The following ORC5 variants were observed in gnomAD, a reference collection of about 807,000 sequenced individuals.
The protein encoded by ORC5 is protein phosphatase 1, regulatory subunit 117.
In ORC5, 39 loss-of-function variants were observed where a neutral mutation model predicts 58.8. The observed-to-expected ratio is 0.66, with a 90% CI of 0.51 to 0.87. The LOEUF (loss-of-function observed/expected upper bound fraction) is 0.87, where lower values mean the gene tolerates loss of function less well. ORC5 is among the 40% of genes least tolerant of loss of function. The pLI is 0.00. For synonymous variants in ORC5, 218 were observed against 177.6 expected (o/e 1.23, Z -1.81); for missense variants, 493 against 506.3 (o/e 0.97, Z 0.25).
Position 104,168,464 on chromosome 7 carries a change from C to T in ORC5, c.877+9G>A. 6.2e-7 allele frequency: 1 copy of T among 1,607,754 alleles called. No individual in the cohort carries two copies. Among genetic ancestry groups the T allele is most frequent in the Non-Finnish European group, 8.5e-7 (1 of 1,177,636 alleles). ...TCTCCGGTAACTGTCTCAATACTTC[C>T]TCTGATACCTTTCAGTTGCCCCGGA... On this transcript the variant is annotated intron_variant, in intron 9 of 13. Coordinates refer to ENST00000297431, the MANE Select transcript of ORC5 (RefSeq NM_002553.4).
chr7:104,196,033 A>T (rs866754908), intron 4 of ORC5, among the ~76,000 whole-genome samples: 18 of 152,350 alleles, frequency 1.2e-4, no homozygotes, highest in African/African-American at 3.6e-4. Context: ...ATACATTTTT[A>T]AAAATCAAGC....
chr7:104,169,284 C>G (rs910829503), intron 8 of ORC5, among the ~76,000 whole-genome samples: 1 of 146,730 alleles, frequency 6.8e-6, no homozygotes, highest in Admixed American at 6.9e-5. Context: ...AATACTAGAG[C>G]TACGAGTCGA....
chr7:104,204,380 TTTGAA>T, intron 1 of ORC5, 146 bp from the exon 2 acceptor site: 1 of 589,976 alleles, frequency 1.7e-6, no homozygotes, highest in Non-Finnish European at 3.1e-6. Flanking sequence ...ATCAACACAC[TTTGAA>T]CCTACTTGAA....
intron 12 of ORC5, among the ~76,000 whole-genome samples, chr7:104,158,547 A>G (rs1164299427): frequency 3.3e-5 from 5 of 151,826 alleles, no homozygotes; most frequent in South Asian, 2.1e-4. Context: ...GCAACCTACA[A>G]AATGGGAGAA....
chr7:104,175,769 C>CA (rs1237495785), intron 8 of ORC5, among the ~76,000 whole-genome samples: 1 of 152,156 alleles, frequency 6.6e-6, no homozygotes, highest in Non-Finnish European at 1.5e-5. Flanking sequence ...AAAACGCTTC[C>CA]AAAACCACCC....
rs1333887668 is a variant in ORC5, at chr7:104,197,803, TA to T, written c.367-5del. 6 of 1,538,736 alleles carry T rather than the reference TA, an allele frequency of 3.9e-6. No homozygotes were observed. The highest frequency in any genetic ancestry group is 5.3e-6 in the Non-Finnish European group (6 of 1,140,822). Reference sequence around the variant, plus strand: ...GATACTCTGCTTTATCTAGAACCTTTAAAAAACAAAAAAACAAAACAAAAAG... The same window carrying T: ...GATACTCTGCTTTATCTAGAACCTTTAAAAACAAAAAAACAAAACAAAAAG... On this transcript the variant is annotated splice_polypyrimidine_tract_variant and splice_region_variant and intron_variant, in intron 3 of 13. Transcript: ENST00000297431.
intron 2 of ORC5, chr7:104,202,447 A>T (rs766016706): frequency 4.6e-6 from 2 of 434,764 alleles, no homozygotes; most frequent in Non-Finnish European, 9.2e-6. Context: ...TAAGAACAAA[A>T]GTCCACAACA....
chr7:104,141,033 A>C (rs194856), intron 12 of ORC5, among the ~76,000 whole-genome samples: 55,069 of 151,934 alleles, frequency 0.36, 11,158 homozygotes, highest in East Asian at 0.56. Context: ...CTGACTAGGA[A>C]TTAAATCTCC....
chr7:104,185,123 A>C (rs904765691), intron 6 of ORC5, among the ~76,000 whole-genome samples: 3 of 150,962 alleles, frequency 2.0e-5, no homozygotes, highest in Non-Finnish European at 2.9e-5. Context: ...TAGCTAATGC[A>C]TGCAGGGCTT....
rs561172530 is a variant in ORC5, at chr7:104,166,978, T to G, written c.878-94A>C. The G allele has an allele frequency of 6.4e-5, 44 of 690,750 alleles. No individual in the cohort carries two copies. In the African/African-American group the frequency reaches 6.6e-4, roughly 10 times the overall value. 42.8% of individuals were successfully genotyped at this position (690,750 alleles called of 1,614,324 possible). On this transcript the variant is annotated intron_variant, in intron 9 of 13. Transcript: ENST00000297431. ...TTGACTTTTCATTTCCATATGGTAT[T>G]CTCTAGTCAAAATGACCTATTTCCT... is the stretch of plus-strand genomic sequence containing the variant.
chr7:104,175,742 A>ACCAAAACCACCCTGCTAAAACGCTT (rs1012635262), intron 8 of ORC5, among the ~76,000 whole-genome samples: 3 of 152,058 alleles, frequency 2.0e-5, no homozygotes, highest in Admixed American at 1.3e-4. Context: ...GCTGAAACAA[A>ACCAAAACCACCCTGCTAAAACGCTT]CCAAAACCAC....
At chr7:104,141,673 A>G (rs537414443) in intron 12 of ORC5, among the ~76,000 whole-genome samples, 2 of 152,332 alleles carry the variant, frequency 1.3e-5, no homozygotes, top group South Asian at 4.1e-4. Context: ...ATGTCTATAC[A>G]CTTACAATGA....
intron 13 of ORC5, among the ~76,000 whole-genome samples, chr7:104,131,889 A>G (rs1362845907): frequency 2.0e-5 from 3 of 151,488 alleles, no homozygotes; most frequent in Non-Finnish European, 4.4e-5. Context: ...AAAAAAAAAT[A>G]CTCTCTCTCC....
At position 104,136,793 on chromosome 7, in the gene ORC5, C is replaced by G. The variant is rs780607532; in HGVS notation, c.1250G>C (p.Arg417Thr). 15 of 1,609,048 alleles carry G rather than the reference C, an allele frequency of 9.3e-6. No individual in the cohort carries two copies. Among genetic ancestry groups the G allele is most frequent in the African/African-American group, 1.3e-5 (1 of 74,810 alleles). Residue 417 changes from arginine (R) to threonine (T), a missense_variant, in exon 13 of 14, where the codon AGA (arginine) becomes ACA (threonine). Arg to Thr is a moderately conservative substitution (Grantham distance 71, BLOSUM62 -1). This residue lies in a region of ORC5 where 77 missense variants were observed against 86.1 expected (regional missense o/e 0.89). Coordinates refer to ENST00000297431, the MANE Select transcript of ORC5 (RefSeq NM_002553.4). This position sits in a 1 kb window ranked among gnomAD's most constrained non-coding sequence, Gnocchi z 4.2. ...CAAGACATTTTACCTTGCAATAGCT[C>G]TGATGAAGTCTAGAGACACTGTGCA... The part of the protein sequence containing the change: ...YKCTVSLDFI[R>T]AIARTVNFDI...
Position 104,184,175 on chromosome 7 carries a change from T to C in ORC5, c.685-4A>G. ...ATTTAGGAAAATTAAGTACTGCCTGTAAGTAAAGAAAAAAAAAGAGAAGAA... is the reference window on the plus strand; with the variant it reads ...ATTTAGGAAAATTAAGTACTGCCTGCAAGTAAAGAAAAAAAAAGAGAAGAA... On this transcript the variant is annotated splice_polypyrimidine_tract_variant and splice_region_variant and intron_variant, in intron 6 of 13. Transcript: ENST00000297431. 1 of 1,519,838 alleles carries C rather than the reference T, an allele frequency of 6.6e-7. No homozygotes were observed. Among genetic ancestry groups the C allele is most frequent in the South Asian group, 1.2e-5 (1 of 82,562 alleles). The allele number at this position is 1,519,838 out of a possible 1,614,324, so 94.1% of individuals were successfully genotyped here. A position where few individuals can be genotyped will look rare whatever the true frequency, so the allele number is the denominator to read the frequency against.
At chr7:104,158,850 A>C (rs1798974106) in intron 12 of ORC5, among the ~76,000 whole-genome samples, 1 of 151,982 alleles carries the variant, frequency 6.6e-6, no homozygotes, top group African/African-American at 2.4e-5. Flanking sequence ...GAGGATGTGG[A>C]GAAATAGGAA....
chr7:104,134,475 C>T (rs1798559136), intron 13 of ORC5, among the ~76,000 whole-genome samples: 1 of 150,138 alleles, frequency 6.7e-6, no homozygotes, highest in Non-Finnish European at 1.5e-5. Context: ...ATACCAGGTG[C>T]CCTATTATCT....
chr7:104,166,931 G>T, intron 9 of ORC5, 47 bp from the exon 10 acceptor site: 3 of 1,050,982 alleles, frequency 2.9e-6, no homozygotes, highest in South Asian at 1.3e-5. Flanking sequence ...GCTAACATTG[G>T]GTTTTAAGTA....
At chr7:104,199,165 C>G (rs766680660) in intron 3 of ORC5, among the ~76,000 whole-genome samples, 8 of 54,132 alleles carry the variant, frequency 1.5e-4, no homozygotes, top group East Asian at 1.1e-3. Context: ...TTGGACCCCC[C>G]CTACAGAGTC....
Sources: gnomAD v4.1 joint callset for allele counts (sites outside exome capture counted in the v4.1 genomes callset) on GRCh38, gnomAD v4.1.1 for gene constraint, gnomAD v4.1.1 regional missense constraint, Gnocchi (gnomAD v3.1) non-coding constraint, MANE v1.5 for transcripts, NCBI Gene and HGNC (gene_info 2026-07-23, HGNC 2026-07-21) for gene names.